CNTN5: variants seen among roughly 807,000 people sequenced by gnomAD.
The protein encoded by CNTN5 is contactin 5.
In CNTN5, 77 loss-of-function variants were observed where a neutral mutation model predicts 129.1. The observed-to-expected ratio is 0.60, with a 90% CI of 0.50 to 0.72. The LOEUF (loss-of-function observed/expected upper bound fraction) is 0.72, where lower values mean the gene tolerates loss of function less well. Among genes scored for constraint, CNTN5 ranks in the 30% least tolerant of loss-of-function variants. The pLI is 0.00. For synonymous variants in CNTN5, 509 were observed against 465.6 expected, an observed-to-expected ratio of 1.09 and a Z score of -1.20; for missense variants, 1,478 against 1,328.8, an observed-to-expected ratio of 1.11 and a Z score of -1.75.
At chr11:99,966,269 A>G (rs914694578) in intron 8 of CNTN5, among the ~76,000 whole-genome samples, 4 of 152,220 alleles carry the variant, frequency 2.6e-5, no homozygotes, top group Admixed American at 1.3e-4. Context: ...TCTCTCTTAT[A>G]AAATGTATTA....
In CNTN5 at chr11:100,115,068, C is replaced by A. The variant is rs537143635; in HGVS notation, c.1580+40774C>A. On this transcript the variant is annotated intron_variant, in intron 13 of 24. Transcript: ENST00000524871. ...ACTGCCTCCTCTCCCATGGCCAAACCTCAGAGAAGGACTACATGAATTTTC... is the reference window on the plus strand; with the variant it reads ...ACTGCCTCCTCTCCCATGGCCAAACATCAGAGAAGGACTACATGAATTTTC... Among the ~76,000 whole-genome samples the A allele has an allele frequency of 5.1e-5, 7 of 138,098 alleles. No homozygotes were observed. In the East Asian group the frequency reaches 1.3e-3, roughly 26 times the overall value. 90.6% of individuals were successfully genotyped at this position (138,098 alleles called of 152,430 possible). A position where few individuals can be genotyped will look rare whatever the true frequency, so the allele number is the denominator to read the frequency against.
At chr11:99,657,761 G>A (rs1298095320) in intron 3 of CNTN5, among the ~76,000 whole-genome samples, 1 of 151,986 alleles carries the variant, frequency 6.6e-6, no homozygotes, top group Non-Finnish European at 1.5e-5. Flanking sequence ...GACTACATCT[G>A]TTATGTCACA....
chr11:99,560,739 C>T (rs1399079000), intron 3 of CNTN5, among the ~76,000 whole-genome samples: 2 of 152,138 alleles, frequency 1.3e-5, no homozygotes, highest in South Asian at 2.1e-4. Flanking sequence ...CCCATGTCAG[C>T]ACTCCTAAAA....
intron 1 of CNTN5, among the ~76,000 whole-genome samples, chr11:99,252,762 GT>G (rs1862177248): frequency 6.6e-6 from 1 of 152,020 alleles, no homozygotes; most frequent in Non-Finnish European, 1.5e-5. Context: ...GCCAGTTAAA[GT>G]TTTTACTGAA....
intron 3 of CNTN5, among the ~76,000 whole-genome samples, chr11:99,659,560 G>A (rs1952519835): frequency 1.3e-5 from 2 of 152,122 alleles, no homozygotes; most frequent in Admixed American, 1.3e-4. Flanking sequence ...AGGATTCTAG[G>A]AGCTGGTAAG....
intron 9 of CNTN5, among the ~76,000 whole-genome samples, chr11:100,036,880 G>T (rs917456028): frequency 8.2e-5 from 12 of 145,976 alleles, no homozygotes; most frequent in Admixed American, 1.4e-4. Flanking sequence ...TGAGATGATG[G>T]GGTTTTCTGG....
At chr11:99,238,451 T>A (rs1861386169) in intron 1 of CNTN5, among the ~76,000 whole-genome samples, 2 of 152,180 alleles carry the variant, frequency 1.3e-5, no homozygotes. Flanking sequence ...TGCTGGGTCT[T>A]ACACACCACT....
chr11:100,338,782 C>G (rs1952092810), intron 21 of CNTN5, among the ~76,000 whole-genome samples: 1 of 152,152 alleles, frequency 6.6e-6, no homozygotes, highest in South Asian at 2.1e-4. Context: ...ATGGCAGTGC[C>G]CAGGTGGTGC....
chr11:100,086,701 T>C (rs1042796207), intron 13 of CNTN5, among the ~76,000 whole-genome samples: 5 of 151,264 alleles, frequency 3.3e-5, no homozygotes, highest in African/African-American at 4.8e-5. Flanking sequence ...CAAAAATAAA[T>C]AGCAAAGTTG....
intron 2 of CNTN5, among the ~76,000 whole-genome samples, chr11:99,531,889 T>C (rs540985875): frequency 6.6e-6 from 1 of 152,282 alleles, no homozygotes; most frequent in African/African-American, 2.4e-5. Flanking sequence ...GGGCCCTACA[T>C]TCTCCATTCT....
chr11:99,937,739 A>G (rs1950346708), intron 7 of CNTN5, among the ~76,000 whole-genome samples: 2 of 152,182 alleles, frequency 1.3e-5, no homozygotes, highest in African/African-American at 2.4e-5. Context: ...AAGCTTGACA[A>G]ACAGGCCAGG....
chr11:99,118,230 T>C (rs1858132911), intron 1 of CNTN5, among the ~76,000 whole-genome samples: 1 of 152,136 alleles, frequency 6.6e-6, no homozygotes, highest in East Asian at 1.9e-4. Context: ...CACGTTCAAA[T>C]ACTAGCCAAC....
chr11:99,403,568 G>C (rs542873442), intron 2 of CNTN5, among the ~76,000 whole-genome samples: 1 of 152,056 alleles, frequency 6.6e-6, no homozygotes, highest in South Asian at 2.1e-4. Context: ...ATTATCATTT[G>C]TTTCAAAAAA....
intron 21 of CNTN5, among the ~76,000 whole-genome samples, chr11:100,336,025 G>T (rs1450136669): frequency 6.6e-6 from 1 of 152,132 alleles, no homozygotes; most frequent in African/African-American, 2.4e-5. Context: ...CAGCAGGGGA[G>T]CTCTCTAAAA....
intron 1 of CNTN5, among the ~76,000 whole-genome samples, chr11:99,273,208 G>A (rs933391067): frequency 6.6e-6 from 1 of 151,738 alleles, no homozygotes; most frequent in Non-Finnish European, 1.5e-5. Flanking sequence ...ACCAATTCTT[G>A]TTTGGAGCTC....
chr11:99,042,494 G>C (rs898637653), intron 1 of CNTN5, among the ~76,000 whole-genome samples: 1 of 147,326 alleles, frequency 6.8e-6, no homozygotes, highest in African/African-American at 2.5e-5. Flanking sequence ...TCCTGCCTCA[G>C]CCTCCCGAGT....
intron 1 of CNTN5, among the ~76,000 whole-genome samples, chr11:99,102,483 C>T (rs953914102): frequency 2.6e-5 from 4 of 152,100 alleles, no homozygotes; most frequent in African/African-American, 9.7e-5. Flanking sequence ...ACCTAAGTAA[C>T]CTCCTGAATG....
chr11:100,340,300 T>G (rs12289431), intron 21 of CNTN5, among the ~76,000 whole-genome samples, 163 bp from the exon 22 acceptor site: 42,370 of 151,990 alleles, frequency 0.28, 6,232 homozygotes, highest in Non-Finnish European at 0.31. Context: ...TGATTAGGAA[T>G]GTGTTTTGGC....
At chr11:100,269,519 A>C (rs2138777627) in intron 17 of CNTN5, among the ~76,000 whole-genome samples, 1 of 152,254 alleles carries the variant, frequency 6.6e-6, no homozygotes, top group Non-Finnish European at 1.5e-5. Context: ...AGAGGAAAAA[A>C]GGGCTGGTTC....
Sources: allele counts gnomAD v4.1 joint callset (sites outside exome capture counted in the v4.1 genomes callset), GRCh38; gene constraint gnomAD v4.1.1; transcripts MANE v1.5; gene names NCBI Gene and HGNC (gene_info 2026-07-23, HGNC 2026-07-21).